Variants in CHD7 observed in about 807,000 individuals in gnomAD.
CHD7 encodes the protein chromodomain helicase DNA binding protein 7, also known as ATP-dependent chromatin remodeler CHD7.
CHD7 carries 24 observed loss-of-function variants against 307.3 expected under a neutral mutation model. The observed-to-expected ratio is 0.08, with a 90% CI of 0.06 to 0.11. CHD7 has a LOEUF of 0.11. Ranked by LOEUF, CHD7 falls within the 10% of genes least tolerant of loss-of-function variation. CHD7 has a pLI of 1.00. For missense variants in CHD7, 3,106 were observed against 3,727.1 expected (o/e 0.83, Z 4.34); for synonymous variants, 1,363 against 1,349.9 (o/e 1.01, Z -0.21).
intron 37 of CHD7, 173 bp downstream of exon 37, chr8:60,862,825 CA>C: frequency 2.2e-6 from 1 of 460,572 alleles, no homozygotes; most frequent in Non-Finnish European, 3.6e-6. Flanking sequence ...ATCATTAATC[CA>C]AAGTGAATTC....
chr8:60,746,591 C>T (rs987718902), intron 2 of CHD7, among the ~76,000 whole-genome samples: 41 of 152,198 alleles, frequency 2.7e-4, no homozygotes, highest in African/African-American at 9.9e-4. Context: ...GAAAATATCA[C>T]TTTCAGGTAG....
intron 2 of CHD7, among the ~76,000 whole-genome samples, chr8:60,758,554 TA>T (rs1459418465): frequency 1.7e-4 from 26 of 152,244 alleles, no homozygotes; most frequent in African/African-American, 5.8e-4. Context: ...GCTCATATTT[TA>T]TTATTGTAAA....
chr8:60,849,163 C>T lies in CHD7; in HGVS notation c.5404+9C>T, dbSNP rs755413885. On this transcript the variant is annotated intron_variant, in intron 25 of 37. Coordinates refer to ENST00000423902, the MANE Select transcript of CHD7 (RefSeq NM_017780.4). ...TGGAGTGTTCAAACATGGTAAGTGACGTTTCTGTTTGAATACATCTCAACT... is the reference window on the plus strand; with the variant it reads ...TGGAGTGTTCAAACATGGTAAGTGATGTTTCTGTTTGAATACATCTCAACT... The T allele has an allele frequency of 1.7e-5, 27 of 1,569,302 alleles. No individual in the cohort carries two copies. The highest frequency in any genetic ancestry group is 1.2e-4 in the African/African-American group (9 of 74,058).
intron 6 of CHD7, among the ~76,000 whole-genome samples, chr8:60,806,726 G>A (rs186647731): frequency 1.3e-5 from 2 of 152,280 alleles, no homozygotes; most frequent in East Asian, 1.9e-4. Context: ...GGTTTAGCTC[G>A]GTGTGGTGGC....
intron 2 of CHD7, among the ~76,000 whole-genome samples, chr8:60,765,204 T>TACACAC (rs71245521): frequency 3.8e-4 from 57 of 150,134 alleles, no homozygotes; most frequent in South Asian, 1.9e-3. Flanking sequence ...GGGATATGCA[T>TACACAC]ACACACACAC....
intron 1 of CHD7, among the ~76,000 whole-genome samples, chr8:60,712,265 A>T (rs537555156): frequency 3.7e-4 from 56 of 152,272 alleles, no homozygotes; most frequent in African/African-American, 1.2e-3. Context: ...TATTATTATT[A>T]TTTTTTGAAA....
intron 21 of CHD7, among the ~76,000 whole-genome samples, chr8:60,844,526 C>G (rs1485342646): frequency 6.6e-6 from 1 of 152,124 alleles, no homozygotes; most frequent in Non-Finnish European, 1.5e-5. Context: ...CTAATCATGA[C>G]AGTGTGAAGC....
Position 60,853,246 on chromosome 8 carries a change from A to G in CHD7, c.6521A>G (p.Lys2174Arg), listed in dbSNP as rs1227286217. 1 of 1,613,698 alleles carries G rather than the reference A, an allele frequency of 6.2e-7. No individual in the cohort carries two copies. Among genetic ancestry groups the G allele is most frequent in the African/African-American group, 1.3e-5 (1 of 74,920 alleles). The change falls in exon 31 of 38, where the codon AAA becomes AGA. Residue 2174 changes from lysine (K) to arginine (R), a missense_variant. Coordinates refer to ENST00000423902, the MANE Select transcript of CHD7 (RefSeq NM_017780.4). ...DERVLEQAEGKVEEPENPAAK... is the reference protein window; with the variant it reads ...DERVLEQAEGRVEEPENPAAK... ...AGGGTACTGGAACAAGCCGAAGGCA[A>G]AGTGGAGGAGCCTGAAAACCCAGCT...
At position 60,866,196 on chromosome 8, in the gene CHD7, C is replaced by A; in HGVS notation, c.*263C>A. On this transcript the variant is annotated 3_prime_UTR_variant, in exon 38 of 38. Coordinates refer to ENST00000423902, the MANE Select transcript of CHD7 (RefSeq NM_017780.4). The stretch of plus-strand genomic sequence containing the variant: ...TTTTTAAGGAAACTTACATAATGCT[C>A]TGCTTTTTTTTTTTCTCTTGGTACC... The A allele has an allele frequency of 3.2e-6, 1 of 316,028 alleles. No homozygotes were observed. Among genetic ancestry groups the A allele is most frequent in the African/African-American group, 2.2e-5 (1 of 46,508 alleles). 19.6% of individuals were successfully genotyped at this position (316,028 alleles called of 1,614,324 possible).
chr8:60,739,610 T>G (rs1023440223), intron 1 of CHD7, among the ~76,000 whole-genome samples: 1 of 152,232 alleles, frequency 6.6e-6, no homozygotes, highest in Non-Finnish European at 1.5e-5. Flanking sequence ...CCTTTGACTT[T>G]AGTTGACAGC....
intron 1 of CHD7, among the ~76,000 whole-genome samples, chr8:60,707,172 TAGTA>T (rs1365772153): frequency 5.3e-5 from 8 of 152,312 alleles, no homozygotes; most frequent in Admixed American, 1.3e-4. Flanking sequence ...TGATAAATAT[TAGTA>T]AGAAACACCT....
chr8:60,696,221 G>T (rs546387098), intron 1 of CHD7, among the ~76,000 whole-genome samples: 1 of 152,276 alleles, frequency 6.6e-6, no homozygotes, highest in African/African-American at 2.4e-5. Context: ...ATGACCAGGT[G>T]TCTACAACAA....
chr8:60,706,301 G>A (rs931024754), intron 1 of CHD7, among the ~76,000 whole-genome samples: 45 of 152,296 alleles, frequency 3.0e-4, no homozygotes, highest in African/African-American at 9.4e-4. Context: ...TAATGTTCAG[G>A]AAGTAGTTAG....
chr8:60,735,135 T>G (rs1380468170), intron 1 of CHD7, among the ~76,000 whole-genome samples: 1 of 152,192 alleles, frequency 6.6e-6, no homozygotes, highest in Non-Finnish European at 1.5e-5. Flanking sequence ...CAGGGCCACA[T>G]CTGCTTCGTT....
At chr8:60,680,053 G>A (rs1309905348) in intron 1 of CHD7, among the ~76,000 whole-genome samples, 1 of 151,678 alleles carries the variant, frequency 6.6e-6, no homozygotes, top group African/African-American at 2.4e-5. Context: ...CGCCGGCGGC[G>A]GCAGCTGCAT....
intron 13 of CHD7, among the ~76,000 whole-genome samples, chr8:60,826,412 G>A (rs1237828665): frequency 6.6e-6 from 1 of 152,186 alleles, no homozygotes; most frequent in African/African-American, 2.4e-5. Flanking sequence ...TCGTTGTCTG[G>A]TCTTTAAATC....
intron 1 of CHD7, among the ~76,000 whole-genome samples, chr8:60,689,236 C>T (rs550670152): frequency 6.6e-6 from 1 of 152,296 alleles, no homozygotes; most frequent in Non-Finnish European, 1.5e-5. Flanking sequence ...ACTATTCTAA[C>T]TTTACTGCAA....
At chr8:60,821,187 AT>A (rs1236270328) in intron 9 of CHD7, among the ~76,000 whole-genome samples, 1 of 152,242 alleles carries the variant, frequency 6.6e-6, no homozygotes, top group Non-Finnish European at 1.5e-5. Flanking sequence ...AAACATTGAA[AT>A]ATGCTAAGAT....
chr8:60,844,455 A>C (rs1805114076), intron 21 of CHD7, among the ~76,000 whole-genome samples: 1 of 152,180 alleles, frequency 6.6e-6, no homozygotes, highest in Non-Finnish European at 1.5e-5. Flanking sequence ...ATTTTGGGGT[A>C]GTCACACCTT....
Sources: allele counts gnomAD v4.1 joint callset (sites outside exome capture counted in the v4.1 genomes callset), GRCh38; gene constraint gnomAD v4.1.1; transcripts MANE v1.5; gene names NCBI Gene and HGNC (gene_info 2026-07-23, HGNC 2026-07-21).